The following GNA12 variants were observed in gnomAD, a reference collection of about 807,000 sequenced individuals.
The protein encoded by GNA12 is G protein subunit alpha 12.
A neutral mutation model predicts 26.0 loss-of-function variants in GNA12; 9 were observed. The observed-to-expected ratio is 0.35, with a 90% confidence interval of 0.21 to 0.60. The LOEUF is 0.60. Ranked by LOEUF, GNA12 falls within the 20% of genes least tolerant of loss-of-function variation. The pLI is 0.78. For synonymous variants in GNA12, 264 were observed against 219.6 expected, an observed-to-expected ratio of 1.20 and a Z score of -1.79; for missense variants, 405 against 525.8, an observed-to-expected ratio of 0.77 and a Z score of 2.25.
intron 2 of GNA12, among the ~76,000 whole-genome samples, chr7:2,793,281 AG>A (rs531257434): frequency 2.1e-5 from 3 of 145,570 alleles, no homozygotes; most frequent in African/African-American, 8.3e-5. Context: ...AGCAGACAGG[AG>A]CGCGAGAGGA....
intron 1 of GNA12, among the ~76,000 whole-genome samples, chr7:2,817,806 G>A (rs1431528703): frequency 6.6e-6 from 1 of 152,202 alleles, no homozygotes; most frequent in Non-Finnish European, 1.5e-5. Flanking sequence ...CTAAAGTTAT[G>A]ACAAATGTTG....
chr7:2,737,245 A>G (rs973096540), intron 2 of GNA12, among the ~76,000 whole-genome samples: 3 of 133,798 alleles, frequency 2.2e-5, no homozygotes, highest in Non-Finnish European at 3.2e-5. Context: ...CTATCTGCCC[A>G]TTCAGGAGCT....
intron 2 of GNA12, among the ~76,000 whole-genome samples, chr7:2,742,660 G>T (rs1053662963): frequency 6.6e-6 from 1 of 152,068 alleles, no homozygotes; most frequent in African/African-American, 2.4e-5. Flanking sequence ...CCCTGTCCCC[G>T]CAAACACCTG....
At chr7:2,832,967 A>G (rs1778719618) in intron 1 of GNA12, among the ~76,000 whole-genome samples, 1 of 152,226 alleles carries the variant, frequency 6.6e-6, no homozygotes, top group South Asian at 2.1e-4. Flanking sequence ...CTAACGGCTA[A>G]CACAGGATAC....
chr7:2,775,269 T>C (rs566747634), intron 2 of GNA12: 6 of 152,354 alleles, frequency 3.9e-5, no homozygotes, highest in Admixed American at 1.3e-4. Context: ...GGTGCTAGTA[T>C]GCTGCTTTTA....
At chr7:2,770,405 A>G (rs1484827323) in intron 2 of GNA12, among the ~76,000 whole-genome samples, 1 of 152,196 alleles carries the variant, frequency 6.6e-6, no homozygotes, top group Non-Finnish European at 1.5e-5. Flanking sequence ...CAATTCTGAC[A>G]TAGTTCAGCT....
In GNA12 at chr7:2,782,643, T is replaced by A. The variant is rs548434605; in HGVS notation, c.525+12285A>T. Reference sequence around the variant, plus strand: ...TTTGGTTTTCTGCAGTTTTATTATGTCTATAGTGTTTTGGTTTTTTTTTTT... The same window carrying A: ...TTTGGTTTTCTGCAGTTTTATTATGACTATAGTGTTTTGGTTTTTTTTTTT... On this transcript the variant is annotated intron_variant, in intron 2 of 3. Transcript: ENST00000275364. Among the ~76,000 whole-genome samples the A allele has an allele frequency of 1.4e-4, 21 of 152,244 alleles. No individual in the cohort carries two copies. In the South Asian group the frequency reaches 1.5e-3, roughly 11 times the overall value.
intron 2 of GNA12, among the ~76,000 whole-genome samples, chr7:2,793,193 T>C (rs1792563689): frequency 6.6e-6 from 1 of 152,014 alleles, no homozygotes; most frequent in Non-Finnish European, 1.5e-5. Context: ...CAAGGAAAGA[T>C]CAAGGAGCTA....
intron 1 of GNA12, among the ~76,000 whole-genome samples, chr7:2,796,805 T>C (rs1360837997): frequency 1.3e-5 from 2 of 152,224 alleles, no homozygotes. Flanking sequence ...TATTAGGGAA[T>C]GCAGCCAGCC....
intron 2 of GNA12, among the ~76,000 whole-genome samples, chr7:2,789,532 C>T (rs533861642): frequency 7.9e-4 from 121 of 152,328 alleles, no homozygotes; most frequent in African/African-American, 2.8e-3. Context: ...TGCCTCACTA[C>T]TCCCCATAGG....
chr7:2,759,864 C>T (rs932070081), intron 2 of GNA12, among the ~76,000 whole-genome samples: 14 of 152,212 alleles, frequency 9.2e-5, no homozygotes, highest in African/African-American at 3.1e-4. Context: ...TGTCCGCCCC[C>T]GTCTCAGAGC....
chr7:2,821,273 G>T (rs183724239), intron 1 of GNA12, among the ~76,000 whole-genome samples: 6 of 152,208 alleles, frequency 3.9e-5, no homozygotes, highest in Non-Finnish European at 8.8e-5. Context: ...CTCTCCGCCT[G>T]TTCAACACAG....
chr7:2,822,763 G>C (rs999033759), intron 1 of GNA12, among the ~76,000 whole-genome samples: 2 of 152,202 alleles, frequency 1.3e-5, no homozygotes, highest in South Asian at 4.1e-4. Flanking sequence ...AGCGAGCTAT[G>C]ATCGCCCCAC....
At chr7:2,817,357 C>T (rs1793241806) in intron 1 of GNA12, among the ~76,000 whole-genome samples, 1 of 152,170 alleles carries the variant, frequency 6.6e-6, no homozygotes, top group Non-Finnish European at 1.5e-5. Flanking sequence ...TCCTCCCACC[C>T]CTGCCTCGGC....
intron 2 of GNA12, among the ~76,000 whole-genome samples, chr7:2,788,986 A>C (rs1386029625): frequency 6.6e-6 from 1 of 151,600 alleles, no homozygotes; most frequent in African/African-American, 2.4e-5. Flanking sequence ...ATGCATGGCT[A>C]ATTTTTGTAT....
intron 2 of GNA12, among the ~76,000 whole-genome samples, chr7:2,783,530 C>T (rs1014897919): frequency 1.1e-4 from 17 of 152,062 alleles, no homozygotes; most frequent in African/African-American, 2.7e-4. Flanking sequence ...ACCTCCACTT[C>T]GGGACCCCCA....
intron 2 of GNA12, among the ~76,000 whole-genome samples, chr7:2,791,859 CA>C (rs2115452580): frequency 6.6e-6 from 1 of 152,236 alleles, no homozygotes; most frequent in East Asian, 1.9e-4. Flanking sequence ...AATGCTCCAT[CA>C]TTTTTTTTGA....
At chr7:2,740,225 T>A (rs1343731201) in intron 2 of GNA12, among the ~76,000 whole-genome samples, 4 of 152,170 alleles carry the variant, frequency 2.6e-5, no homozygotes, top group Non-Finnish European at 5.9e-5. Context: ...ATTTGTATCA[T>A]CATTATAGAC....
chr7:2,787,134 A>G (rs137963392), intron 2 of GNA12, among the ~76,000 whole-genome samples: 207 of 152,228 alleles, frequency 1.4e-3, no homozygotes, highest in African/African-American at 4.9e-3. Context: ...GCTCTTCCTC[A>G]GGGCGGACAC....
Sources: gnomAD v4.1 joint callset for allele counts (sites outside exome capture counted in the v4.1 genomes callset) on GRCh38, gnomAD v4.1.1 for gene constraint, MANE v1.5 for transcripts, NCBI Gene and HGNC (gene_info 2026-07-23, HGNC 2026-07-21) for gene names.